Variants in IL19 observed in about 807,000 individuals in gnomAD.
The protein encoded by IL19 is interleukin 19.
Under a neutral mutation model 19.5 loss-of-function variants are expected in IL19, and 15 were observed. The ratio of observed to expected loss-of-function variants is 0.77; its 90% CI spans 0.52 to 1.19. IL19 has a LOEUF of 1.19. Ranked by LOEUF, IL19 falls within the 50% of genes most tolerant of loss-of-function variation. The pLI, the probability that IL19 is intolerant of heterozygous loss-of-function variation, is 0.00. For synonymous variants in IL19, 78 were observed against 78.3 expected (o/e 1.00, Z 0.02); for missense variants, 199 against 213.1 (o/e 0.93, Z 0.41).
intron 2 of IL19, among the ~76,000 whole-genome samples, chr1:206,801,989 G>T (rs1019020961): frequency 2.0e-5 from 3 of 152,198 alleles, no homozygotes; most frequent in African/African-American, 4.8e-5. Context: ...TTGAACGAAG[G>T]CACCTCCATA....
intron 1 of IL19, among the ~76,000 whole-genome samples, chr1:206,787,116 T>G (rs1031102365): frequency 6.6e-6 from 1 of 152,182 alleles, no homozygotes; most frequent in African/African-American, 2.4e-5. Flanking sequence ...GGGCTCTCAC[T>G]ATTGTCAGAA....
At chr1:206,814,935 C>T (rs1170898725) in intron 2 of IL19, among the ~76,000 whole-genome samples, 1 of 152,186 alleles carries the variant, frequency 6.6e-6, no homozygotes, top group East Asian at 1.9e-4. Flanking sequence ...CACTAATCAT[C>T]TGAAACCTTA....
Position 206,798,947 on chromosome 1 carries a change from C to T in IL19, c.-62C>T, listed in dbSNP as rs1167452673. ...AGATCTGCGTGTTCCTTACCACTCA[C>T]ACATGTGCACACACATATCCATGTG... On this transcript the variant is annotated 5_prime_UTR_variant, in exon 2 of 7. Transcript: ENST00000659997. 1.9e-6 allele frequency: 3 copies of T among 1,613,992 alleles called. No homozygotes were observed. The highest frequency in any genetic ancestry group is 8.5e-7 in the Non-Finnish European group (1 of 1,180,024).
chr1:206,778,164 C>T (rs767309277), intron 1 of IL19, among the ~76,000 whole-genome samples: 10 of 152,338 alleles, frequency 6.6e-5, no homozygotes, highest in Non-Finnish European at 1.3e-4. Context: ...TCATGGCCGG[C>T]AGACACTGCA....
chr1:206,832,373 G>A (rs982326438), intron 2 of IL19, among the ~76,000 whole-genome samples: 14 of 152,130 alleles, frequency 9.2e-5, no homozygotes, highest in African/African-American at 3.4e-4. Flanking sequence ...AGTGTCTATA[G>A]ACCTAATGCA....
intron 2 of IL19, among the ~76,000 whole-genome samples, chr1:206,811,876 T>G (rs1486479738): frequency 6.6e-6 from 1 of 152,194 alleles, no homozygotes; most frequent in Admixed American, 6.5e-5. Context: ...GAATTCTGAG[T>G]GCAGATTTGC....
intron 1 of IL19, among the ~76,000 whole-genome samples, chr1:206,785,341 G>T (rs547206118): frequency 3.9e-5 from 6 of 152,330 alleles, no homozygotes; most frequent in African/African-American, 1.4e-4. Context: ...GCAACCATTG[G>T]CACTTCCTTA....
intron 1 of IL19, 39 bp from the exon 2 acceptor site, chr1:206,798,822 C>T (rs1056353851): frequency 1.7e-6 from 2 of 1,155,854 alleles, no homozygotes; most frequent in Non-Finnish European, 2.5e-6. Flanking sequence ...GCTGAGTGTA[C>T]CTTTTTGTAA....
chr1:206,790,323 A>G (rs1675367140), intron 1 of IL19, among the ~76,000 whole-genome samples: 1 of 152,122 alleles, frequency 6.6e-6, no homozygotes, highest in Non-Finnish European at 1.5e-5. Context: ...TCATTGTGCC[A>G]TCCTCTCAGT....
chr1:206,796,530 G>A (rs1675526763), intron 1 of IL19, among the ~76,000 whole-genome samples: 1 of 152,184 alleles, frequency 6.6e-6, no homozygotes, highest in Non-Finnish European at 1.5e-5. Context: ...GTCAATAATG[G>A]ACCACATATA....
At chr1:206,809,822 T>C (rs894217435) in intron 2 of IL19, among the ~76,000 whole-genome samples, 3 of 152,222 alleles carry the variant, frequency 2.0e-5, no homozygotes, top group African/African-American at 7.2e-5. Flanking sequence ...GTCCTTCATT[T>C]ATAATGAGTC....
In IL19 at chr1:206,778,189, G is replaced by A. The variant is rs562786253; in HGVS notation, c.-149+7111G>A. ...CAGACACTGCAAACCACAGATGAGCGGAAGGGCTGATCTTTGGGCAGCCAA... is the reference window on the plus strand; with the variant it reads ...CAGACACTGCAAACCACAGATGAGCAGAAGGGCTGATCTTTGGGCAGCCAA... On this transcript the variant is annotated intron_variant, in intron 1 of 6. Transcript: ENST00000659997. Among the ~76,000 whole-genome samples the A allele has an allele frequency of 3.3e-5, 5 of 152,314 alleles. No individual in the cohort carries two copies. The South Asian group carries it at 1.0e-3, about 32-fold the overall frequency.
intron 1 of IL19, among the ~76,000 whole-genome samples, chr1:206,777,485 C>G (rs769490058): frequency 1.3e-5 from 2 of 152,072 alleles, no homozygotes; most frequent in Non-Finnish European, 2.9e-5. Context: ...GGTGTAGTTA[C>G]CCCATGCCTT....
intron 6 of IL19, 31 bp downstream of exon 6, chr1:206,841,109 G>C (rs1259014336): frequency 6.4e-7 from 1 of 1,574,478 alleles, no homozygotes; most frequent in East Asian, 2.2e-5. Flanking sequence ...GGGGAAGATG[G>C]AAGATGAGAG....
intron 2 of IL19, among the ~76,000 whole-genome samples, chr1:206,830,791 A>C (rs937354245): frequency 2.0e-5 from 3 of 152,006 alleles, no homozygotes; most frequent in Non-Finnish European, 2.9e-5. Flanking sequence ...ATTGGCTAGG[A>C]TGGTCTCGAT....
intron 1 of IL19, among the ~76,000 whole-genome samples, chr1:206,787,549 C>T (rs1675295813): frequency 6.6e-6 from 1 of 152,130 alleles, no homozygotes; most frequent in African/African-American, 2.4e-5. Flanking sequence ...AGACCTAGGT[C>T]CGGGAAAAGG....
intron 2 of IL19, among the ~76,000 whole-genome samples, chr1:206,800,455 G>A (rs571400088): frequency 2.2e-4 from 34 of 152,332 alleles, no homozygotes; most frequent in Admixed American, 2.6e-4. Flanking sequence ...AGGAAGTGCC[G>A]TAAGACCCCA....
chr1:206,808,550 A>T (rs1369990670), intron 2 of IL19, among the ~76,000 whole-genome samples: 7 of 151,050 alleles, frequency 4.6e-5, no homozygotes, highest in Admixed American at 1.3e-4. Flanking sequence ...TGGTGGGGTG[A>T]GGTAGGAAAA....
intron 6 of IL19, 118 bp from the exon 7 acceptor site, chr1:206,842,409 G>A (rs1288933368): frequency 2.1e-5 from 13 of 623,594 alleles, no homozygotes; most frequent in Admixed American, 5.9e-5. Flanking sequence ...AATATATTTC[G>A]TGACAAAAAA....
Sources: gnomAD v4.1 joint callset for allele counts (sites outside exome capture counted in the v4.1 genomes callset) on GRCh38, gnomAD v4.1.1 for gene constraint, MANE v1.5 for transcripts, NCBI Gene and HGNC (gene_info 2026-07-23, HGNC 2026-07-21) for gene names.